SPOP: variants seen among roughly 807,000 people sequenced by gnomAD.
SPOP encodes speckle type BTB/POZ protein, also known as speckle-type POZ protein.
A neutral mutation model predicts 45.6 loss-of-function variants in SPOP; 11 were observed. The ratio of observed to expected loss-of-function variants is 0.24; its 90% CI spans 0.15 to 0.40. SPOP has a LOEUF of 0.40. Ranked by LOEUF, SPOP falls within the 10% of genes least tolerant of loss-of-function variation. The pLI is 1.00. For synonymous variants in SPOP, 166 were observed against 166.3 expected (o/e 1.00, Z 0.01); for missense variants, 152 against 465.6 (o/e 0.33, Z 6.20).
chr17:49,673,634 A>G (rs1229034390), intron 1 of SPOP, among the ~76,000 whole-genome samples: 2 of 151,948 alleles, frequency 1.3e-5, no homozygotes, highest in Non-Finnish European at 1.5e-5. Flanking sequence ...ATTTTTCTGT[A>G]TGTTTAAAAT....
chr17:49,637,198 G>A (rs957456354), intron 1 of SPOP, among the ~76,000 whole-genome samples: 6 of 151,896 alleles, frequency 4.0e-5, no homozygotes, highest in South Asian at 2.1e-4. Flanking sequence ...TCATGCCACC[G>A]CACTCCAGTC....
At chr17:49,632,356 G>C (rs1372515677) in intron 1 of SPOP, among the ~76,000 whole-genome samples, 2 of 152,110 alleles carry the variant, frequency 1.3e-5, no homozygotes, top group Non-Finnish European at 2.9e-5. Context: ...CAGAGCTATG[G>C]GGGGAGTTCC....
chr17:49,612,008 G>T (rs2071985383), intron 5 of SPOP, among the ~76,000 whole-genome samples: 1 of 151,742 alleles, frequency 6.6e-6, no homozygotes, highest in South Asian at 2.1e-4. Context: ...CTAGCCTCTG[G>T]AGTAGCTGGG....
chr17:49,623,002 G>A (rs1319638141), intron 1 of SPOP, 126 bp from the exon 2 acceptor site: 2 of 534,816 alleles, frequency 3.7e-6, no homozygotes, highest in South Asian at 2.5e-5. Context: ...TACCACTGAG[G>A]TCCTAAAATT....
chr17:49,664,908 T>A (rs1363586298), intron 1 of SPOP, among the ~76,000 whole-genome samples: 1 of 152,182 alleles, frequency 6.6e-6, no homozygotes, highest in Non-Finnish European at 1.5e-5. Flanking sequence ...AGCTTTTCCT[T>A]AGATTCTGCA....
chr17:49,660,271 T>C (rs538907321), intron 1 of SPOP, among the ~76,000 whole-genome samples: 1 of 152,348 alleles, frequency 6.6e-6, no homozygotes, highest in Non-Finnish European at 1.5e-5. Context: ...ACATACCTCA[T>C]GGTTTTTGCT....
At chr17:49,677,305 T>TA (rs1337099509) in intron 1 of SPOP, among the ~76,000 whole-genome samples, 1 of 152,186 alleles carries the variant, frequency 6.6e-6, no homozygotes, top group Non-Finnish European at 1.5e-5. Context: ...AACTAGAAGA[T>TA]ACAGTGACAG....
At chr17:49,616,171 G>A (rs2072081716) in intron 5 of SPOP, among the ~76,000 whole-genome samples, 1 of 152,136 alleles carries the variant, frequency 6.6e-6, no homozygotes, top group Non-Finnish European at 1.5e-5. Context: ...CATTTTCAGA[G>A]TCCACAATCT....
At chr17:49,643,612 T>G (rs1172443520) in intron 1 of SPOP, among the ~76,000 whole-genome samples, 4 of 152,150 alleles carry the variant, frequency 2.6e-5, no homozygotes, top group Non-Finnish European at 5.9e-5. Flanking sequence ...GATCACTAAA[T>G]AGTCCCACAC....
intron 1 of SPOP, among the ~76,000 whole-genome samples, chr17:49,634,041 G>GA (rs1187575835): frequency 6.6e-6 from 1 of 151,072 alleles, no homozygotes; most frequent in African/African-American, 2.4e-5. Context: ...CAGAAAAAGA[G>GA]AAAATAGAGT....
intron 7 of SPOP, among the ~76,000 whole-genome samples, chr17:49,607,649 C>T (rs1261106181): frequency 1.3e-5 from 2 of 152,216 alleles, no homozygotes; most frequent in East Asian, 3.9e-4. Context: ...TGTCTAAATA[C>T]CCTCACCCAA....
intron 1 of SPOP, among the ~76,000 whole-genome samples, chr17:49,664,997 C>G (rs1339873575): frequency 2.0e-5 from 3 of 152,082 alleles, no homozygotes; most frequent in Non-Finnish European, 4.4e-5. Flanking sequence ...ATCAGAAACT[C>G]TTTTATATGA....
intron 1 of SPOP, among the ~76,000 whole-genome samples, chr17:49,669,429 TAAA>T (rs34977636): frequency 6.6e-5 from 6 of 90,958 alleles, no homozygotes; most frequent in African/African-American, 2.0e-4. Flanking sequence ...AAAAATAAAT[TAAA>T]AAAAAAAAAA....
chr17:49,637,829 T>C (rs1226287468), intron 1 of SPOP, among the ~76,000 whole-genome samples: 1 of 152,226 alleles, frequency 6.6e-6, no homozygotes, highest in Non-Finnish European at 1.5e-5. Context: ...TATGGGTAAA[T>C]TACACCAAAG....
At chr17:49,659,331 A>C (rs1284489500) in intron 1 of SPOP, among the ~76,000 whole-genome samples, 1 of 152,194 alleles carries the variant, frequency 6.6e-6, no homozygotes. Flanking sequence ...AGCCTCTCCT[A>C]AACATCAATA....
intron 1 of SPOP, among the ~76,000 whole-genome samples, chr17:49,641,303 G>A (rs907827763): frequency 1.7e-4 from 23 of 133,102 alleles, no homozygotes; most frequent in Admixed American, 8.7e-4. Flanking sequence ...AATTCCCTCC[G>A]TTAACAACCA....
intron 1 of SPOP, among the ~76,000 whole-genome samples, chr17:49,662,584 G>A (rs944521363): frequency 6.6e-6 from 1 of 152,086 alleles, no homozygotes; most frequent in African/African-American, 2.4e-5. Flanking sequence ...CTACTCGGGA[G>A]GTTGAGGCAG....
chr17:49,634,520 CT>C (rs1456564463), intron 1 of SPOP, among the ~76,000 whole-genome samples: 1 of 152,186 alleles, frequency 6.6e-6, no homozygotes, highest in African/African-American at 2.4e-5. Context: ...CTTTGACCCA[CT>C]CCCCTCAATG....
intron 1 of SPOP, among the ~76,000 whole-genome samples, chr17:49,629,992 ACAAG>A (rs2072419391): frequency 2.0e-5 from 3 of 152,212 alleles, no homozygotes; most frequent in African/African-American, 7.2e-5. Flanking sequence ...CACAGCATGT[ACAAG>A]CTAGATGGCT....
Sources: allele counts gnomAD v4.1 joint callset (sites outside exome capture counted in the v4.1 genomes callset), GRCh38; gene constraint gnomAD v4.1.1; transcripts MANE v1.5; gene names NCBI Gene and HGNC (gene_info 2026-07-23, HGNC 2026-07-21).